ERBB4: variants seen among roughly 807,000 people sequenced by gnomAD.
ERBB4 encodes the protein erb-b2 receptor tyrosine kinase 4, also known as receptor tyrosine-protein kinase erbB-4.
Under a neutral mutation model 158.0 loss-of-function variants are expected in ERBB4, and 42 were observed. The observed-to-expected ratio is 0.27, with a 90% CI of 0.21 to 0.34. ERBB4 has a LOEUF of 0.34. ERBB4 is among the 10% of genes least tolerant of loss of function. The pLI, the probability that ERBB4 is intolerant of heterozygous loss-of-function variation, is 1.00. For missense variants in ERBB4, 1,333 were observed against 1,624.1 expected, an observed-to-expected ratio of 0.82 and a Z score of 3.08; for synonymous variants, 583 against 558.7, an observed-to-expected ratio of 1.04 and a Z score of -0.61.
At chr2:211,581,576 C>T (rs1015049592) in intron 19 of ERBB4, among the ~76,000 whole-genome samples, 2 of 152,106 alleles carry the variant, frequency 1.3e-5, no homozygotes, top group Non-Finnish European at 2.9e-5. Flanking sequence ...AACTCTCATT[C>T]TCTGTAGTGG....
chr2:211,402,675 C>T (rs563535355), intron 25 of ERBB4, among the ~76,000 whole-genome samples: 12 of 152,034 alleles, frequency 7.9e-5, no homozygotes, highest in Admixed American at 7.2e-4. Context: ...CAAGCTCATC[C>T]TAAGCGTATA....
intron 3 of ERBB4, among the ~76,000 whole-genome samples, chr2:211,877,485 C>G (rs776942419): frequency 6.6e-6 from 1 of 152,070 alleles, no homozygotes; most frequent in Non-Finnish European, 1.5e-5. Flanking sequence ...AACTCTTTCT[C>G]ACTATAATCT....
chr2:211,980,302 T>C (rs1040601933), intron 2 of ERBB4, among the ~76,000 whole-genome samples: 1 of 152,258 alleles, frequency 6.6e-6, no homozygotes, highest in Non-Finnish European at 1.5e-5. Context: ...CCAAGAACTT[T>C]TGAGAGATTC....
intron 1 of ERBB4, among the ~76,000 whole-genome samples, chr2:212,456,566 TA>T (rs36106298): frequency 5.1e-4 from 75 of 146,590 alleles, no homozygotes; most frequent in South Asian, 1.5e-3. Context: ...CTTCCTCTCT[TA>T]AAAAAAAAAA....
chr2:211,995,862 T>C (rs184806414), intron 2 of ERBB4, among the ~76,000 whole-genome samples: 38 of 152,314 alleles, frequency 2.5e-4, no homozygotes, highest in African/African-American at 5.8e-4. Flanking sequence ...ATTCTATCTA[T>C]GATAGCACAT....
Position 211,800,672 on chromosome 2 carries a change from A to C in ERBB4, c.422-12513T>G, listed in dbSNP as rs1031420288. 4.0e-5 allele frequency among the ~76,000 whole-genome samples: 6 copies of C among 151,700 alleles called. No homozygotes were observed. The East Asian group carries it at 7.7e-4, about 20-fold the overall frequency. ...AAAACTGTGCGTTAAAAAAAAAAAA[A>C]AAAAAAAACCTCTTGGCTCTGGTAG... On this transcript the variant is annotated intron_variant, in intron 3 of 27. Transcript: ENST00000342788.
intron 1 of ERBB4, among the ~76,000 whole-genome samples, chr2:212,438,546 G>C (rs967656292): frequency 2.6e-5 from 4 of 152,004 alleles, no homozygotes; most frequent in African/African-American, 9.7e-5. Flanking sequence ...GTTTGTGAAT[G>C]AGTAAATAAT....
chr2:211,525,227 G>T (rs2125648468), intron 20 of ERBB4, among the ~76,000 whole-genome samples: 1 of 152,218 alleles, frequency 6.6e-6, no homozygotes, highest in East Asian at 1.9e-4. Context: ...GGAAGTGCTT[G>T]AACCACCCCT....
At chr2:212,439,662 C>T (rs529636222) in intron 1 of ERBB4, among the ~76,000 whole-genome samples, 36 of 151,924 alleles carry the variant, frequency 2.4e-4, no homozygotes, top group Non-Finnish European at 5.1e-4. Flanking sequence ...AACAATAATG[C>T]GATACAAAGT....
At chr2:211,738,372 T>G (rs764169175) in intron 5 of ERBB4, among the ~76,000 whole-genome samples, 18,171 of 148,738 alleles carry the variant, frequency 0.12, 2,997 homozygotes, top group African/African-American at 0.37. Flanking sequence ...TTTTTTTTTT[T>G]TTTTTTTTTT....
At chr2:211,417,325 A>C (rs531615461) in intron 25 of ERBB4, among the ~76,000 whole-genome samples, 3 of 152,010 alleles carry the variant, frequency 2.0e-5, no homozygotes, top group Non-Finnish European at 4.4e-5. Flanking sequence ...AATATAAAAA[A>C]AAATTAGCTG....
At chr2:211,809,258 G>A (rs1474185368) in intron 3 of ERBB4, among the ~76,000 whole-genome samples, 6 of 152,202 alleles carry the variant, frequency 3.9e-5, no homozygotes. Flanking sequence ...AGTTTCAGAA[G>A]GAATGGAACC....
chr2:212,269,099 G>T (rs770789077), intron 1 of ERBB4, among the ~76,000 whole-genome samples: 3 of 151,820 alleles, frequency 2.0e-5, no homozygotes, highest in Non-Finnish European at 4.4e-5. Context: ...ACACAAATGG[G>T]TACTTGAAAG....
chr2:211,383,797 G>C lies in ERBB4; in HGVS notation c.3745C>G (p.Pro1249Ala), dbSNP rs2062624363. 6.2e-7 allele frequency: 1 copy of C among 1,614,114 alleles called. No individual in the cohort carries two copies. The highest frequency in any genetic ancestry group is 1.3e-5 in the African/African-American group (1 of 75,026). Residue 1249 changes from proline (P) to alanine (A), a missense_variant, in exon 28 of 28, where the codon CCT (proline) becomes GCT (alanine). Transcript: ENST00000342788. ...NPDYWNHSLP[P>A]RSTLQHPDYL... The stretch of plus-strand genomic sequence containing the variant: ...TCTGGGTGCTGAAGGGTGCTCCGAG[G>C]TGGCAGGCTGTGGTTCCAGTAGTCA...
chr2:212,457,671 TCAGA>T (rs1688367678), intron 1 of ERBB4, among the ~76,000 whole-genome samples: 1 of 152,080 alleles, frequency 6.6e-6, no homozygotes, highest in Non-Finnish European at 1.5e-5. Flanking sequence ...TTTAAGCAAC[TCAGA>T]CAAATTTCTC....
intron 2 of ERBB4, among the ~76,000 whole-genome samples, chr2:212,039,473 T>C (rs1473103125): frequency 2.6e-5 from 4 of 152,168 alleles, no homozygotes; most frequent in Admixed American, 6.5e-5. Flanking sequence ...TCATTATAGA[T>C]TGAGGACAGC....
At chr2:211,739,734 G>A (rs1376613457) in intron 5 of ERBB4, among the ~76,000 whole-genome samples, 1 of 152,244 alleles carries the variant, frequency 6.6e-6, no homozygotes, top group Non-Finnish European at 1.5e-5. Flanking sequence ...CTCCCAAAGT[G>A]TTGGGATTAC....
intron 3 of ERBB4, among the ~76,000 whole-genome samples, chr2:211,900,258 A>T (rs1267286088): frequency 6.6e-6 from 1 of 152,100 alleles, no homozygotes; most frequent in Admixed American, 6.6e-5. Context: ...ACTAACAGGG[A>T]CTTCTGAGCG....
In ERBB4 at chr2:211,467,238, G is replaced by A. The variant is rs142948098; in HGVS notation, c.2488-36138C>T. On this transcript the variant is annotated intron_variant, in intron 20 of 27. Coordinates refer to ENST00000342788, the MANE Select transcript of ERBB4 (RefSeq NM_005235.3). ...AAAAATACTCTAAAGCAGAATGAGC[G>A]TTAATCGGAAAGCAAGAGAACTGGT... Among the ~76,000 whole-genome samples the A allele has an allele frequency of 4.8e-4, 73 of 152,216 alleles. 1 individual carries two copies. Among genetic ancestry groups the A allele is most frequent in the East Asian group, 2.3e-3 (12 of 5,172 alleles).
Sources: allele counts gnomAD v4.1 joint callset (sites outside exome capture counted in the v4.1 genomes callset), GRCh38; gene constraint gnomAD v4.1.1; transcripts MANE v1.5; gene names NCBI Gene and HGNC (gene_info 2026-07-23, HGNC 2026-07-21).